The following GRIP1 variants were observed in gnomAD, a reference collection of about 807,000 sequenced individuals.
GRIP1 encodes glutamate receptor-interacting protein 1.
In GRIP1, 45 loss-of-function variants were observed where a neutral mutation model predicts 129.9. The ratio of observed to expected loss-of-function variants is 0.35; its 90% CI spans 0.27 to 0.44. The LOEUF is 0.44. Among genes scored for constraint, GRIP1 ranks in the 20% least tolerant of loss-of-function variants. The pLI is 1.00. For synonymous variants in GRIP1, 530 were observed against 520.8 expected, an observed-to-expected ratio of 1.02 and a Z score of -0.24; for missense variants, 1,196 against 1,396.8, an observed-to-expected ratio of 0.86 and a Z score of 2.29.
At chr12:66,413,663 TC>T (rs1411109714) in intron 15 of GRIP1, among the ~76,000 whole-genome samples, 2 of 152,052 alleles carry the variant, frequency 1.3e-5, no homozygotes, top group Non-Finnish European at 2.9e-5. Flanking sequence ...AACTTCAGGC[TC>T]ATATTCTTGA....
chr12:66,364,986 TG>T (rs2055047841), intron 23 of GRIP1, among the ~76,000 whole-genome samples: 1 of 152,142 alleles, frequency 6.6e-6, no homozygotes, highest in Non-Finnish European at 1.5e-5. Flanking sequence ...GACTGAGACT[TG>T]TCTCAGTCAT....
intron 1 of GRIP1, among the ~76,000 whole-genome samples, chr12:66,833,886 T>A (rs1282056234): frequency 6.6e-6 from 1 of 152,100 alleles, no homozygotes; most frequent in Non-Finnish European, 1.5e-5. Context: ...AAGGATTATG[T>A]TGGCCAGGCA....
chr12:66,866,693 T>C (rs919377582), intron 1 of GRIP1, among the ~76,000 whole-genome samples: 3 of 152,100 alleles, frequency 2.0e-5, no homozygotes, highest in African/African-American at 7.2e-5. Flanking sequence ...TTATTATGCA[T>C]TGCATGCCTG....
At chr12:66,864,336 A>G (rs937857638) in intron 1 of GRIP1, among the ~76,000 whole-genome samples, 2 of 117,530 alleles carry the variant, frequency 1.7e-5, no homozygotes, top group Non-Finnish European at 3.7e-5. Context: ...TTGACACTCC[A>G]TAAATATTCT....
chr12:66,472,263 C>A (rs1361955018), intron 7 of GRIP1, among the ~76,000 whole-genome samples: 1 of 152,172 alleles, frequency 6.6e-6, no homozygotes, highest in African/African-American at 2.4e-5. Flanking sequence ...ATGCCATGCA[C>A]ATTGAAAGGT....
chr12:66,452,776 A>G (rs1224799238), intron 11 of GRIP1, among the ~76,000 whole-genome samples: 1 of 152,220 alleles, frequency 6.6e-6, no homozygotes, highest in East Asian at 1.9e-4. Flanking sequence ...AACTTTTATT[A>G]TCAGTTATTT....
intron 22 of GRIP1, among the ~76,000 whole-genome samples, chr12:66,375,053 C>T (rs1297357899): frequency 6.6e-6 from 1 of 152,086 alleles, no homozygotes; most frequent in Non-Finnish European, 1.5e-5. Flanking sequence ...TTTAGTTAAA[C>T]CTTCTTCTTA....
intron 16 of GRIP1, among the ~76,000 whole-genome samples, chr12:66,401,609 TACAC>T (rs71096099): frequency 0.29 from 31,489 of 110,278 alleles, 5,849 homozygotes; most frequent in Middle Eastern, 0.39. Context: ...TATATATATA[TACAC>T]ACACACACAC....
At chr12:66,973,780 T>G (rs2042110203) in intron 1 of GRIP1, among the ~76,000 whole-genome samples, 1 of 152,168 alleles carries the variant, frequency 6.6e-6, no homozygotes, top group Non-Finnish European at 1.5e-5. Flanking sequence ...ATCAGCTATG[T>G]GATGGTTGTA....
chr12:66,551,623 T>C (rs2062139629), intron 2 of GRIP1, among the ~76,000 whole-genome samples: 2 of 150,330 alleles, frequency 1.3e-5, no homozygotes, highest in African/African-American at 4.9e-5. Context: ...GCCCAGACTG[T>C]ACTGTAGTGG....
rs549516225 is a variant in GRIP1, at chr12:66,990,840, C to T, written c.58+78210G>A. On this transcript the variant is annotated intron_variant, in intron 1 of 1. Transcript: ENST00000643019. The stretch of plus-strand genomic sequence containing the variant: ...AGGAACCCTGTCTCTACTAAAAATA[C>T]AAAATTAGCCGGGCGTGTTGGCACA... Among the ~76,000 whole-genome samples the T allele has an allele frequency of 2.6e-5, 4 of 152,056 alleles. No homozygotes were observed. The South Asian group carries it at 8.3e-4, about 32-fold the overall frequency.
At chr12:66,476,421 G>A (rs902900714) in intron 7 of GRIP1, among the ~76,000 whole-genome samples, 4 of 152,068 alleles carry the variant, frequency 2.6e-5, no homozygotes, top group Non-Finnish European at 5.9e-5. Flanking sequence ...ATTCACAGCC[G>A]AATTCTACCA....
At chr12:66,658,827 G>C (rs575572629) in intron 1 of GRIP1, among the ~76,000 whole-genome samples, 4 of 152,112 alleles carry the variant, frequency 2.6e-5, no homozygotes, top group Admixed American at 6.5e-5. Context: ...GGGAGGCTGA[G>C]GGGGGAAGAT....
At chr12:66,804,799 G>T (rs2038955625), upstream of GRIP1, among the ~76,000 whole-genome samples, 1 of 152,190 alleles carries the variant, frequency 6.6e-6, no homozygotes, top group African/African-American at 2.4e-5. Context: ...TGGGCGTACT[G>T]ATTAACCCTT....
intron 16 of GRIP1, among the ~76,000 whole-genome samples, chr12:66,404,087 C>A (rs2057102812): frequency 6.6e-6 from 1 of 152,156 alleles, no homozygotes; most frequent in African/African-American, 2.4e-5. Context: ...AATCAATCCC[C>A]AAAAGAAAGT....
intron 2 of GRIP1, among the ~76,000 whole-genome samples, chr12:66,546,946 A>T (rs1327529754): frequency 6.6e-6 from 1 of 152,208 alleles, no homozygotes; most frequent in Non-Finnish European, 1.5e-5. Flanking sequence ...TGCTCTCTGC[A>T]AGACCTGCTT....
At chr12:67,051,678 A>G (rs2043348649) in intron 1 of GRIP1, among the ~76,000 whole-genome samples, 2 of 152,236 alleles carry the variant, frequency 1.3e-5, no homozygotes, top group Admixed American at 6.5e-5. Flanking sequence ...ATGGCTGTAA[A>G]TAATGCAAGT....
intron 1 of GRIP1, among the ~76,000 whole-genome samples, chr12:66,968,448 GTTC>G (rs924119207): frequency 4.0e-5 from 6 of 151,536 alleles, no homozygotes; most frequent in Non-Finnish European, 7.4e-5. Flanking sequence ...CTCCCCTCTT[GTTC>G]TTCTTTCTCC....
At chr12:66,461,792 C>G (rs1474740380) in intron 9 of GRIP1, among the ~76,000 whole-genome samples, 1 of 152,180 alleles carries the variant, frequency 6.6e-6, no homozygotes, top group African/African-American at 2.4e-5. Flanking sequence ...AGACACAATA[C>G]AAATGACCCC....
Sources: gnomAD v4.1 joint callset for allele counts (sites outside exome capture counted in the v4.1 genomes callset) on GRCh38, gnomAD v4.1.1 for gene constraint, MANE v1.5 for transcripts, NCBI Gene and HGNC (gene_info 2026-07-23, HGNC 2026-07-21) for gene names.